LIN54: variants seen among roughly 807,000 people sequenced by gnomAD.
LIN54 encodes lin-54 DREAM MuvB core complex component.
LIN54 carries 9 observed loss-of-function variants against 78.7 expected under a neutral mutation model. That is an observed-to-expected ratio of 0.11 (90% CI 0.07 to 0.20). The LOEUF is 0.20. Among genes scored for constraint, LIN54 ranks in the 10% least tolerant of loss-of-function variants. LIN54 has a pLI of 1.00. For synonymous variants in LIN54, 269 were observed against 318.4 expected, an observed-to-expected ratio of 0.84 and a Z score of 1.65; for missense variants, 573 against 889.9, an observed-to-expected ratio of 0.64 and a Z score of 4.53.
intron 11 of LIN54, among the ~76,000 whole-genome samples, chr4:82,932,668 A>AAG (rs1353491521): frequency 6.6e-6 from 1 of 151,220 alleles, no homozygotes; most frequent in East Asian, 2.0e-4. Flanking sequence ...AAAAAAAAAA[A>AAG]AAAAAAATTA....
intron 5 of LIN54, among the ~76,000 whole-genome samples, chr4:82,944,026 G>A (rs1330092677): frequency 1.3e-5 from 2 of 151,432 alleles, no homozygotes; most frequent in Non-Finnish European, 1.5e-5. Context: ...GCACCACCAC[G>A]CCCAACTAAT....
intron 2 of LIN54, among the ~76,000 whole-genome samples, chr4:82,980,447 C>T (rs369379701): frequency 7.2e-5 from 11 of 152,178 alleles, no homozygotes; most frequent in African/African-American, 2.6e-4. Flanking sequence ...CAAATATTAG[C>T]TCTTTGTGCT....
chr4:82,999,222 A>G (rs964535883), intron 1 of LIN54, among the ~76,000 whole-genome samples: 2 of 152,208 alleles, frequency 1.3e-5, no homozygotes, highest in African/African-American at 4.8e-5. Context: ...ATGAAGTGCC[A>G]CTAGTGATGC....
upstream of LIN54, chr4:83,010,893 G>A: frequency 4.4e-6 from 5 of 1,136,648 alleles, no homozygotes; most frequent in Non-Finnish European, 5.5e-6. Context: ...CATATCCGGG[G>A]AAGCCTCCCG....
chr4:82,968,920 C>G (rs1396242796), intron 4 of LIN54, among the ~76,000 whole-genome samples: 4 of 152,160 alleles, frequency 2.6e-5, no homozygotes, highest in Non-Finnish European at 5.9e-5. Flanking sequence ...CAGGTCAAGT[C>G]TGGAGAGATG....
At chr4:82,992,090 T>G (rs975044268) in intron 1 of LIN54, among the ~76,000 whole-genome samples, 1 of 152,208 alleles carries the variant, frequency 6.6e-6, no homozygotes, top group Non-Finnish European at 1.5e-5. Flanking sequence ...GATATAAAGC[T>G]TCCTTGTGGG....
In LIN54 at chr4:82,984,891, G is replaced by A. The variant is rs1404226798; in HGVS notation, c.-32-15C>T. On this transcript the variant is annotated splice_polypyrimidine_tract_variant and intron_variant, in intron 1 of 12. Coordinates refer to ENST00000340417, the MANE Select transcript of LIN54 (RefSeq NM_194282.4). The stretch of plus-strand genomic sequence containing the variant: ...TTGATCAGGCACTGTAATAAAAGTT[G>A]AAAAATGAACAAGTTACTAGGTTTC... 12 of 1,494,098 alleles carry A rather than the reference G, an allele frequency of 8.0e-6. No homozygotes were observed. Among genetic ancestry groups the A allele is most frequent in the South Asian group, 2.7e-5 (2 of 74,972 alleles). The allele number at this position is 1,494,098 out of a possible 1,614,324, so 92.6% of individuals were successfully genotyped here.
intron 4 of LIN54, among the ~76,000 whole-genome samples, chr4:82,955,548 A>G (rs1387213811): frequency 6.6e-6 from 1 of 152,170 alleles, no homozygotes; most frequent in Non-Finnish European, 1.5e-5. Flanking sequence ...AGACAGACAT[A>G]TAGAACTGGA....
chr4:83,009,964 T>C (rs865950745), intron 1 of LIN54, among the ~76,000 whole-genome samples: 6 of 152,298 alleles, frequency 3.9e-5, no homozygotes, highest in Middle Eastern at 3.4e-3. Context: ...AGTATCTCAA[T>C]TGTTATATGC....
intron 12 of LIN54, among the ~76,000 whole-genome samples, chr4:82,930,532 G>A (rs1721862820): frequency 6.6e-6 from 1 of 152,190 alleles, no homozygotes; most frequent in African/African-American, 2.4e-5. Context: ...TAACAATACG[G>A]AGCTGCACTA....
intron 1 of LIN54, among the ~76,000 whole-genome samples, chr4:82,994,389 G>C (rs979832248): frequency 4.7e-5 from 7 of 149,996 alleles, no homozygotes; most frequent in Non-Finnish European, 8.9e-5. Flanking sequence ...TCCTCCTTGT[G>C]CATTTTAAAA....
chr4:82,987,334 C>A (rs1412071844), intron 1 of LIN54, among the ~76,000 whole-genome samples: 4 of 152,056 alleles, frequency 2.6e-5, no homozygotes, highest in Non-Finnish European at 5.9e-5. Flanking sequence ...ACCTTAATCC[C>A]AAAATTATAC....
intron 2 of LIN54, among the ~76,000 whole-genome samples, chr4:82,979,665 G>A (rs1215013685): frequency 6.6e-6 from 1 of 151,934 alleles, no homozygotes; most frequent in Non-Finnish European, 1.5e-5. Flanking sequence ...CTGGCCAGGC[G>A]CAGTGGCTCA....
intron 4 of LIN54, among the ~76,000 whole-genome samples, chr4:82,967,865 G>A (rs1725328969): frequency 6.6e-6 from 1 of 152,104 alleles, no homozygotes; most frequent in African/African-American, 2.4e-5. Flanking sequence ...AATCAGAAAG[G>A]GAGAGGAGGT....
At chr4:82,964,905 G>A (rs1725081871) in intron 4 of LIN54, among the ~76,000 whole-genome samples, 1 of 152,080 alleles carries the variant, frequency 6.6e-6, no homozygotes, top group Admixed American at 6.5e-5. Context: ...AGCTGAGGCA[G>A]GAGAATCACT....
chr4:82,984,625 T>C lies in LIN54; in HGVS notation c.220A>G (p.Asn74Asp). 2 of 1,614,200 alleles carry C rather than the reference T, an allele frequency of 1.2e-6. No individual in the cohort carries two copies. Among genetic ancestry groups the C allele is most frequent in the South Asian group, 2.2e-5 (2 of 91,080 alleles). Residue 74 changes from asparagine to aspartate, a missense_variant, in exon 2 of 13, where the codon AAC becomes GAC. This residue lies in a region of LIN54 where 183 missense variants were observed against 228.4 expected (regional missense o/e 0.80). Transcript: ENST00000340417. ...ATTGTGGTATTCACTGCAACTTGGT[T>C]AGTGTGGTTACTGTACACTGTGATT... Reference protein sequence around the residue: ...EPITVYSNHTNQVAVNTTITK... With the variant: ...EPITVYSNHTDQVAVNTTITK...
intron 4 of LIN54, among the ~76,000 whole-genome samples, chr4:82,956,365 A>AAAAAG (rs10635005): frequency 2.0e-5 from 3 of 150,596 alleles, no homozygotes; most frequent in Admixed American, 6.6e-5. Context: ...AAAAAAAAAA[A>AAAAAG]AGACTGTTTT....
intron 1 of LIN54, among the ~76,000 whole-genome samples, chr4:82,998,598 G>C (rs963297337): frequency 1.3e-5 from 2 of 151,278 alleles, no homozygotes; most frequent in African/African-American, 4.9e-5. Context: ...AGAAAAGAGA[G>C]AAAGAGAAGA....
At chr4:82,984,955 G>T in intron 1 of LIN54, 79 bp from the exon 2 acceptor site, 2 of 904,310 alleles carry the variant, frequency 2.2e-6, no homozygotes, top group South Asian at 3.4e-5. Context: ...AATGCAAATG[G>T]CAAAATGACA....
Sources: allele counts gnomAD v4.1 joint callset (sites outside exome capture counted in the v4.1 genomes callset), GRCh38; gene constraint gnomAD v4.1.1; regional missense constraint gnomAD v4.1.1; transcripts MANE v1.5; gene names NCBI Gene and HGNC (gene_info 2026-07-23, HGNC 2026-07-21).